The following TMEM120B variants were observed in gnomAD, a reference collection of about 807,000 sequenced individuals.
The protein encoded by TMEM120B is transmembrane protein 120B.
Under a neutral mutation model 55.5 loss-of-function variants are expected in TMEM120B, and 31 were observed. The ratio of observed to expected loss-of-function variants is 0.56; its 90% CI spans 0.42 to 0.75. The LOEUF is 0.75. Ranked by LOEUF, TMEM120B falls within the 30% of genes least tolerant of loss-of-function variation. The pLI, the probability that TMEM120B is intolerant of heterozygous loss-of-function variation, is 0.00. For missense variants in TMEM120B, 399 were observed against 425.5 expected, an observed-to-expected ratio of 0.94 and a Z score of 0.55; for synonymous variants, 203 against 176.3, an observed-to-expected ratio of 1.15 and a Z score of -1.20.
chr12:121,771,697 A>T, intron 8 of TMEM120B, 148 bp downstream of exon 8: 1 of 808,382 alleles, frequency 1.2e-6, no homozygotes, highest in Non-Finnish European at 2.0e-6. Flanking sequence ...CCAGAAGGAG[A>T]GCTGTCCCCG....
intron 1 of TMEM120B, among the ~76,000 whole-genome samples, chr12:121,726,129 C>T (rs537324029): frequency 9.3e-5 from 14 of 151,214 alleles, no homozygotes; most frequent in Non-Finnish European, 1.9e-4. Context: ...AGAGTGACTG[C>T]GAAGAGACAC....
At chr12:121,728,076 C>T (rs975410390) in intron 1 of TMEM120B, among the ~76,000 whole-genome samples, 12 of 151,020 alleles carry the variant, frequency 7.9e-5, no homozygotes, top group African/African-American at 1.5e-4. Context: ...GGTGTGATCT[C>T]GGTTCACTGC....
intron 2 of TMEM120B, among the ~76,000 whole-genome samples, chr12:121,746,598 G>C (rs1873091108): frequency 6.6e-6 from 1 of 152,178 alleles, no homozygotes; most frequent in African/African-American, 2.4e-5. Context: ...CTCCCAAAGT[G>C]CTGGGATCAT....
In TMEM120B at chr12:121,780,702, G is replaced by A; in HGVS notation, c.*4980G>A. 1.4e-6 allele frequency: 1 copy of A among 740,072 alleles called. No individual in the cohort carries two copies. The highest frequency in any genetic ancestry group is 2.2e-6 in the Non-Finnish European group (1 of 464,562). 45.8% of individuals were successfully genotyped at this position (740,072 alleles called of 1,614,324 possible). On this transcript the variant is annotated 3_prime_UTR_variant, in exon 12 of 12. Transcript: ENST00000449592. ...AGTCCTAAGGATTGGGAGTAGTCGT[G>A]TAAAGTGCTCAGGTCCACAGGCCAT...
chr12:121,759,639 T>C (rs185633780), intron 5 of TMEM120B, among the ~76,000 whole-genome samples: 12 of 150,176 alleles, frequency 8.0e-5, no homozygotes, highest in African/African-American at 2.4e-4. Context: ...GATCCCACCA[T>C]TGCACTCCAG....
At chr12:121,743,508 A>G (rs77377959) in intron 1 of TMEM120B, 121 bp from the exon 2 acceptor site, 20,353 of 687,532 alleles carry the variant, frequency 0.03, 830 homozygotes, top group East Asian at 0.15. Context: ...CAGTGAGCCA[A>G]GATCATGCCA....
At chr12:121,727,004 C>A (rs1333963053) in intron 1 of TMEM120B, among the ~76,000 whole-genome samples, 1 of 149,502 alleles carries the variant, frequency 6.7e-6, no homozygotes, top group Non-Finnish European at 1.5e-5. Flanking sequence ...GCAGGATCAG[C>A]CTGGGCAACA....
chr12:121,748,312 A>C lies in TMEM120B; in HGVS notation c.189-14A>C, dbSNP rs777675816. ...GTGACGCCCCTTCCCCTGTGCCTGCATCTCTGTCCGCAGGTGCAAACGCCA... is the reference window on the plus strand; with the variant it reads ...GTGACGCCCCTTCCCCTGTGCCTGCCTCTCTGTCCGCAGGTGCAAACGCCA... On this transcript the variant is annotated splice_polypyrimidine_tract_variant and intron_variant, in intron 2 of 11. Coordinates refer to ENST00000449592, the MANE Select transcript of TMEM120B (RefSeq NM_001080825.2). 1.2e-6 allele frequency: 2 copies of C among 1,601,572 alleles called. No homozygotes were observed. The highest frequency in any genetic ancestry group is 1.7e-6 in the Non-Finnish European group (2 of 1,170,610).
intron 3 of TMEM120B, among the ~76,000 whole-genome samples, 154 bp from the exon 4 acceptor site, chr12:121,750,226 A>G (rs1051035243): frequency 2.0e-5 from 3 of 151,648 alleles, no homozygotes; most frequent in African/African-American, 7.3e-5. Flanking sequence ...TGTCATTCTC[A>G]CTCGATGTGG....
rs189017798 is a variant in TMEM120B, at chr12:121,729,560, C to T, written c.70-14069C>T. 5.5e-4 allele frequency among the ~76,000 whole-genome samples: 84 copies of T among 151,834 alleles called. 1 individual carries two copies. The highest frequency in any genetic ancestry group is 1.9e-3 in the African/African-American group (79 of 41,388). Reference sequence around the variant, plus strand: ...GTGGCTCACACCTGTAATCCCAGCACTTTGGGAGGCTGAAGTGGGAGAATA... The same window carrying T: ...GTGGCTCACACCTGTAATCCCAGCATTTTGGGAGGCTGAAGTGGGAGAATA... On this transcript the variant is annotated intron_variant, in intron 1 of 11. Coordinates refer to ENST00000449592, the MANE Select transcript of TMEM120B (RefSeq NM_001080825.2).
intron 6 of TMEM120B, among the ~76,000 whole-genome samples, chr12:121,767,603 C>T (rs1285393089): frequency 6.6e-6 from 1 of 152,210 alleles, no homozygotes; most frequent in East Asian, 1.9e-4. Context: ...CTAAAAGCCA[C>T]TCAGTTGTGC....
intron 8 of TMEM120B, among the ~76,000 whole-genome samples, chr12:121,772,430 GTTTC>G (rs200732289): frequency 0.025 from 3,653 of 146,970 alleles, 132 homozygotes; most frequent in African/African-American, 0.068. Flanking sequence ...ACGCCGTACC[GTTTC>G]TTTCTTTTTT....
chr12:121,731,386 A>G (rs1895000213), intron 1 of TMEM120B, among the ~76,000 whole-genome samples: 1 of 152,048 alleles, frequency 6.6e-6, no homozygotes, highest in South Asian at 2.1e-4. Context: ...TGAGTAGCTG[A>G]GATTACAGGC....
chr12:121,774,168 C>T (rs559711280), intron 9 of TMEM120B, among the ~76,000 whole-genome samples: 1 of 152,032 alleles, frequency 6.6e-6, no homozygotes, highest in East Asian at 1.9e-4. Flanking sequence ...GTTGGCCAGG[C>T]TGGTCTCAAA....
At chr12:121,757,674 G>A (rs1873525082) in intron 5 of TMEM120B, among the ~76,000 whole-genome samples, 1 of 152,262 alleles carries the variant, frequency 6.6e-6, no homozygotes, top group Non-Finnish European at 1.5e-5. Context: ...CCGCCACCAT[G>A]CCCGGCTACT....
At chr12:121,721,476 C>G (rs981078190) in intron 1 of TMEM120B, among the ~76,000 whole-genome samples, 1 of 143,896 alleles carries the variant, frequency 6.9e-6, no homozygotes, top group Non-Finnish European at 1.5e-5. Context: ...CCTGGTCCTC[C>G]TTTTTTTTTT....
chr12:121,751,628 GTTCCTTCCC>G (rs1448044354), intron 4 of TMEM120B, among the ~76,000 whole-genome samples: 3 of 151,518 alleles, frequency 2.0e-5, no homozygotes, highest in East Asian at 1.9e-4. Context: ...TGGTTCCTTG[GTTCCTTCCC>G]TTCCTTCCCT....
At chr12:121,726,112 G>A (rs1894885602) in intron 1 of TMEM120B, among the ~76,000 whole-genome samples, 2 of 152,048 alleles carry the variant, frequency 1.3e-5, no homozygotes, top group African/African-American at 4.8e-5. Context: ...GGAAGAAGGG[G>A]AGATGGAGAG....
At chr12:121,764,027 A>G (rs1873766231) in intron 6 of TMEM120B, among the ~76,000 whole-genome samples, 3 of 152,058 alleles carry the variant, frequency 2.0e-5, no homozygotes, top group Non-Finnish European at 4.4e-5. Context: ...CCATTTAGAA[A>G]ACATCAGTGT....
Sources: gnomAD v4.1 joint callset for allele counts (sites outside exome capture counted in the v4.1 genomes callset) on GRCh38, gnomAD v4.1.1 for gene constraint, MANE v1.5 for transcripts, NCBI Gene and HGNC (gene_info 2026-07-23, HGNC 2026-07-21) for gene names.